DMD: variants seen among roughly 807,000 people sequenced by gnomAD.
DMD encodes mutant dystrophin.
Under a neutral mutation model 330.1 loss-of-function variants are expected in DMD, and 63 were observed. The observed-to-expected ratio is 0.19, with a 90% CI of 0.16 to 0.24. The LOEUF (loss-of-function observed/expected upper bound fraction) is 0.24, where lower values mean the gene tolerates loss of function less well. Among genes scored for constraint, DMD ranks in the 10% least tolerant of loss-of-function variants. The pLI is 1.00. For missense variants in DMD, 3,344 were observed against 2,684.1 expected (o/e 1.25, Z -5.43); for synonymous variants, 1,223 against 959.8 (o/e 1.27, Z -5.07).
chrX:33,047,675 C>T (rs1349609650), intron 1 of DMD, among the ~76,000 whole-genome samples: 1 of 112,009 alleles, frequency 8.9e-6, no homozygotes, highest in Non-Finnish European at 1.9e-5. Flanking sequence ...AAATCAATTA[C>T]CTGAAATCAT....
At chrX:32,887,183 TA>T (rs1016781718) in intron 2 of DMD, among the ~76,000 whole-genome samples, 12 of 108,490 alleles carry the variant, frequency 1.1e-4, no homozygotes, top group Non-Finnish European at 2.3e-4. Flanking sequence ...CCGTCTCTAC[TA>T]AAAATACAAA....
chrX:32,489,693 T>C (rs1372846713), intron 20 of DMD, among the ~76,000 whole-genome samples: 5 of 111,577 alleles, frequency 4.5e-5, no homozygotes, highest in Non-Finnish European at 1.9e-5. Context: ...TTAGAGACAC[T>C]TAATGTATAT....
intron 74 of DMD, among the ~76,000 whole-genome samples, chrX:31,167,562 A>G (rs946900108): frequency 1.2e-4 from 13 of 111,729 alleles, no homozygotes; most frequent in African/African-American, 4.2e-4. Context: ...TGTCAGTTCC[A>G]ACTTTTTATT....
intron 17 of DMD, among the ~76,000 whole-genome samples, chrX:32,520,288 T>C (rs1220454874): frequency 8.9e-6 from 1 of 112,276 alleles, no homozygotes; most frequent in East Asian, 2.8e-4. Flanking sequence ...TCTTCAGCGA[T>C]GTTAACTCCT....
intron 67 of DMD, among the ~76,000 whole-genome samples, chrX:31,189,200 G>A (rs1046907634): frequency 8.9e-6 from 1 of 111,828 alleles, no homozygotes; most frequent in African/African-American, 3.3e-5. Flanking sequence ...CACGTACATT[G>A]TATTTTTTAG....
intron 1 of DMD, among the ~76,000 whole-genome samples, chrX:33,181,872 CG>C (rs1274288263): frequency 8.9e-6 from 1 of 112,027 alleles, no homozygotes; most frequent in Non-Finnish European, 1.9e-5. Flanking sequence ...CTGCTTTTGA[CG>C]GCCAACCCAG....
chrX:33,053,259 A>G (rs2094478060), intron 1 of DMD, among the ~76,000 whole-genome samples: 1 of 111,746 alleles, frequency 8.9e-6, no homozygotes. Flanking sequence ...GGATAATGAC[A>G]TGTAAACAGG....
chrX:32,392,192 T>C (rs778766101), intron 30 of DMD, among the ~76,000 whole-genome samples: 1 of 111,688 alleles, frequency 9.0e-6, no homozygotes, highest in African/African-American at 3.2e-5. Flanking sequence ...AGTAGATGCA[T>C]AGGGAGTGAG....
At chrX:33,046,321 G>A (rs1257191634) in intron 1 of DMD, among the ~76,000 whole-genome samples, 1 of 111,345 alleles carries the variant, frequency 9.0e-6, no homozygotes, top group Admixed American at 9.5e-5. Context: ...ACCATTTTTA[G>A]CCCACTTAAA....
At chrX:32,959,791 G>A (rs767169901) in intron 2 of DMD, among the ~76,000 whole-genome samples, 1 of 111,313 alleles carries the variant, frequency 9.0e-6, no homozygotes, top group South Asian at 3.8e-4. Context: ...TCACGTATAG[G>A]CAACCTTCAT....
At chrX:32,433,156 C>T (rs1316481767) in intron 29 of DMD, among the ~76,000 whole-genome samples, 1 of 112,072 alleles carries the variant, frequency 8.9e-6, no homozygotes. Flanking sequence ...ACTTTTAAGG[C>T]CATGTTTTAA....
chrX:31,434,418 GCACACACACACACA>G (rs10572572), intron 60 of DMD, among the ~76,000 whole-genome samples: 2,890 of 78,032 alleles, frequency 0.037, 138 homozygotes, highest in African/African-American at 0.11. Context: ...CAGCGCGCGC[GCACACACACACACA>G]CACACACACA....
At chrX:32,117,947 CTG>C (rs1159171197) in intron 44 of DMD, among the ~76,000 whole-genome samples, 1 of 110,932 alleles carries the variant, frequency 9.0e-6, no homozygotes, top group Non-Finnish European at 1.9e-5. Flanking sequence ...TGTGGAGCAA[CTG>C]AGAAGACTAT....
At chrX:31,539,896 T>A (rs1218938850) in intron 55 of DMD, among the ~76,000 whole-genome samples, 2 of 111,473 alleles carry the variant, frequency 1.8e-5, no homozygotes, top group African/African-American at 6.5e-5. Flanking sequence ...TACATTTTAG[T>A]AGAGAAGTGA....
intron 44 of DMD, chrX:32,206,427 G>A (rs1269422121): frequency 3.9e-6 from 2 of 513,419 alleles, no homozygotes; most frequent in Admixed American, 4.6e-5. Context: ...TGAAGAAAAA[G>A]CGCCAGTGAA....
At chrX:31,124,238 A>G (rs1336790493) in intron 78 of DMD, among the ~76,000 whole-genome samples, 7 of 112,226 alleles carry the variant, frequency 6.2e-5, no homozygotes, top group Non-Finnish European at 1.3e-4. Context: ...CATCATCTAT[A>G]TTATGCCTTT....
intron 55 of DMD, among the ~76,000 whole-genome samples, chrX:31,560,213 G>C (rs1337290510): frequency 8.9e-6 from 1 of 111,808 alleles, no homozygotes; most frequent in African/African-American, 3.3e-5. Flanking sequence ...TTACAATGCA[G>C]ATTCTGATTC....
intron 7 of DMD, among the ~76,000 whole-genome samples, chrX:32,780,106 C>T (rs1301119029): frequency 1.8e-5 from 2 of 111,683 alleles, no homozygotes; most frequent in African/African-American, 3.3e-5. Flanking sequence ...GTGTGTATTG[C>T]TTTAGCATAC....
intron 44 of DMD, among the ~76,000 whole-genome samples, chrX:32,035,840 G>GA (rs200525041): frequency 0.081 from 8,998 of 110,714 alleles, 793 homozygotes; most frequent in African/African-American, 0.25. Context: ...ATGTCCCAAC[G>GA]AAAAAAACAA....
Sources: gnomAD v4.1 joint callset for allele counts (sites outside exome capture counted in the v4.1 genomes callset) on GRCh38, gnomAD v4.1.1 for gene constraint, MANE v1.5 for transcripts, NCBI Gene and HGNC (gene_info 2026-07-23, HGNC 2026-07-21) for gene names.